The following ERBB4 variants were observed in gnomAD, a reference collection of about 807,000 sequenced individuals.
The protein encoded by ERBB4 is erb-b2 receptor tyrosine kinase 4.
A neutral mutation model predicts 158.0 loss-of-function variants in ERBB4; 42 were observed. The ratio of observed to expected loss-of-function variants is 0.27; its 90% confidence interval spans 0.21 to 0.34. The LOEUF (loss-of-function observed/expected upper bound fraction) is 0.34. Among genes scored for constraint, ERBB4 ranks in the 10% least tolerant of loss-of-function variants. The pLI is 1.00. For synonymous variants in ERBB4, 583 were observed against 558.7 expected, an observed-to-expected ratio of 1.04 and a Z score of -0.61; for missense variants, 1,333 against 1,624.1, an observed-to-expected ratio of 0.82 and a Z score of 3.08.
intron 12 of ERBB4, among the ~76,000 whole-genome samples, chr2:211,682,860 C>T (rs1236356366): frequency 1.3e-5 from 2 of 151,476 alleles, no homozygotes; most frequent in African/African-American, 2.4e-5. Flanking sequence ...GTGTTTAAAC[C>T]ATTTACATTT....
chr2:212,075,357 C>T (rs2078244273), intron 2 of ERBB4, among the ~76,000 whole-genome samples: 1 of 151,564 alleles, frequency 6.6e-6, no homozygotes, highest in African/African-American at 2.4e-5. Flanking sequence ...TTAATACATG[C>T]AATGTAATGG....
intron 2 of ERBB4, among the ~76,000 whole-genome samples, chr2:212,092,916 A>G (rs1385576181): frequency 6.6e-6 from 1 of 152,132 alleles, no homozygotes; most frequent in Non-Finnish European, 1.5e-5. Flanking sequence ...AATGTAACAA[A>G]CCTGCACATT....
intron 2 of ERBB4, among the ~76,000 whole-genome samples, chr2:212,047,069 C>T (rs1014021166): frequency 1.3e-5 from 2 of 152,014 alleles, no homozygotes; most frequent in African/African-American, 4.8e-5. Flanking sequence ...CCATTATTCT[C>T]CCAAAAAGAA....
At chr2:211,456,669 AT>A (rs2064389072) in intron 20 of ERBB4, among the ~76,000 whole-genome samples, 1 of 152,132 alleles carries the variant, frequency 6.6e-6, no homozygotes, top group African/African-American at 2.4e-5. Context: ...GTGGAAGACA[AT>A]TTTTCCATGG....
At chr2:212,511,752 G>A (rs1691532367) in intron 1 of ERBB4, among the ~76,000 whole-genome samples, 1 of 152,074 alleles carries the variant, frequency 6.6e-6, no homozygotes, top group South Asian at 2.1e-4. Flanking sequence ...TTTAGGGCTT[G>A]TATTAAGTAA....
chr2:211,975,769 C>T (rs2125215889), intron 2 of ERBB4, among the ~76,000 whole-genome samples: 1 of 152,126 alleles, frequency 6.6e-6, no homozygotes, highest in East Asian at 1.9e-4. Flanking sequence ...ACAGGAAAAA[C>T]ATCTTATAAA....
chr2:211,438,958 T>C (rs1344284834), intron 20 of ERBB4, among the ~76,000 whole-genome samples: 1 of 151,648 alleles, frequency 6.6e-6, no homozygotes, highest in Non-Finnish European at 1.5e-5. Flanking sequence ...TTGAAATTTA[T>C]TTTTCACAGA....
chr2:211,870,710 C>T (rs2106112463), intron 3 of ERBB4, among the ~76,000 whole-genome samples: 1 of 152,142 alleles, frequency 6.6e-6, no homozygotes, highest in South Asian at 2.1e-4. Flanking sequence ...CTTTCATTCT[C>T]AAAGGGACTC....
At chr2:212,446,615 A>ATATATATATATATATG (rs2092359880) in intron 1 of ERBB4, among the ~76,000 whole-genome samples, 1 of 46,680 alleles carries the variant, frequency 2.1e-5, no homozygotes, top group African/African-American at 7.9e-5. Flanking sequence ...ATATATATAT[A>ATATATATATATATATG]TATATATATA....
At chr2:212,320,554 G>C (rs2087521695) in intron 1 of ERBB4, among the ~76,000 whole-genome samples, 2 of 148,686 alleles carry the variant, frequency 1.3e-5, no homozygotes, top group Admixed American at 1.3e-4. Context: ...ATTATATTCT[G>C]AGTTCTCAGA....
At chr2:212,191,966 GT>G (rs1203407756) in intron 1 of ERBB4, among the ~76,000 whole-genome samples, 2 of 101,662 alleles carry the variant, frequency 2.0e-5, no homozygotes, top group South Asian at 3.3e-4. Flanking sequence ...TGTTATATAT[GT>G]TATATGTTAT....
chr2:211,866,175 C>G (rs914347486), intron 3 of ERBB4, among the ~76,000 whole-genome samples: 18 of 152,058 alleles, frequency 1.2e-4, no homozygotes, highest in Non-Finnish European at 2.4e-4. Context: ...CGCCTGTACC[C>G]GGGAGGCGGG....
At chr2:211,972,510 A>G (rs932132762) in intron 2 of ERBB4, among the ~76,000 whole-genome samples, 1 of 152,218 alleles carries the variant, frequency 6.6e-6, no homozygotes, top group Non-Finnish European at 1.5e-5. Context: ...GTATAGTACA[A>G]GGCTACAGTA....
chr2:212,254,319 G>T (rs1459199188), intron 1 of ERBB4, among the ~76,000 whole-genome samples: 1 of 152,050 alleles, frequency 6.6e-6, no homozygotes, highest in East Asian at 1.9e-4. Flanking sequence ...CAAAACCAAA[G>T]GAATGAAGAT....
intron 3 of ERBB4, among the ~76,000 whole-genome samples, chr2:211,876,602 C>A (rs944255076): frequency 3.9e-5 from 6 of 152,048 alleles, no homozygotes; most frequent in Non-Finnish European, 8.8e-5. Flanking sequence ...TGATTGGATT[C>A]ATGTGAAGTT....
chr2:212,285,973 T>C, intron 1 of ERBB4, among the ~76,000 whole-genome samples: 1 of 152,156 alleles, frequency 6.6e-6, no homozygotes. Context: ...TGATTTGACA[T>C]GATTGTTTAT....
intron 1 of ERBB4, among the ~76,000 whole-genome samples, chr2:212,221,862 C>T (rs2083300491): frequency 6.6e-6 from 1 of 151,342 alleles, no homozygotes; most frequent in African/African-American, 2.4e-5. Flanking sequence ...TTTATTACTT[C>T]TATATCCTCC....
At chr2:212,396,885 C>T (rs2091042804) in intron 1 of ERBB4, among the ~76,000 whole-genome samples, 1 of 152,058 alleles carries the variant, frequency 6.6e-6, no homozygotes, top group Non-Finnish European at 1.5e-5. Flanking sequence ...TAACCTCCTA[C>T]ATTTTAAACA....
chr2:211,581,733 C>T (rs973225644), intron 19 of ERBB4, among the ~76,000 whole-genome samples: 23 of 152,044 alleles, frequency 1.5e-4, no homozygotes, highest in Admixed American at 5.9e-4. Flanking sequence ...ATGTAGTGGC[C>T]GGACATGGTG....
Sources: allele counts gnomAD v4.1 joint callset (sites outside exome capture counted in the v4.1 genomes callset), GRCh38; gene constraint gnomAD v4.1.1; transcripts MANE v1.5; gene names NCBI Gene and HGNC (gene_info 2026-07-23, HGNC 2026-07-21).